Variants in BICRAL observed in about 807,000 individuals in gnomAD.
BICRAL encodes the protein BICRA like chromatin remodeling complex associated protein.
A neutral mutation model predicts 91.8 loss-of-function variants in BICRAL; 8 were observed. That is an observed-to-expected ratio of 0.09 (90% confidence interval 0.05 to 0.16). BICRAL has a LOEUF of 0.16. Ranked by LOEUF, BICRAL falls within the 10% of genes least tolerant of loss-of-function variation. BICRAL has a pLI of 1.00. For synonymous variants in BICRAL, 445 were observed against 491.1 expected, an observed-to-expected ratio of 0.91 and a Z score of 1.24; for missense variants, 1,038 against 1,310.9, an observed-to-expected ratio of 0.79 and a Z score of 3.21.
chr6:42,841,896 A>G (rs1445347351), intron 6 of BICRAL, among the ~76,000 whole-genome samples: 1 of 152,126 alleles, frequency 6.6e-6, no homozygotes, highest in African/African-American at 2.4e-5. Context: ...TCTATACCAC[A>G]CTGCTTCCCA....
chr6:42,806,158 C>T (rs1027170836), intron 1 of BICRAL, among the ~76,000 whole-genome samples: 2 of 152,148 alleles, frequency 1.3e-5, no homozygotes, highest in African/African-American at 4.8e-5. Context: ...CGGGATTCTC[C>T]CCTTAAGTTT....
At chr6:42,853,554 C>T in intron 7 of BICRAL, 84 bp from the exon 8 acceptor site, 4 of 943,008 alleles carry the variant, frequency 4.2e-6, no homozygotes, top group Non-Finnish European at 7.0e-6. Context: ...GCTCAACAGT[C>T]TGTACCCATT....
At chr6:42,752,950 G>A (rs1434284888) in intron 1 of BICRAL, among the ~76,000 whole-genome samples, 3 of 133,738 alleles carry the variant, frequency 2.2e-5, no homozygotes, top group Admixed American at 1.6e-4. Context: ...GGGGGGGTAC[G>A]GAGTTTTGCT....
chr6:42,776,950 C>T (rs375044268), intron 1 of BICRAL, among the ~76,000 whole-genome samples: 1 of 152,156 alleles, frequency 6.6e-6, no homozygotes, highest in East Asian at 1.9e-4. Context: ...TCTTGTAGAT[C>T]TTGTGGACTG....
chr6:42,839,039 A>G (rs966344363), intron 6 of BICRAL, among the ~76,000 whole-genome samples: 1 of 151,872 alleles, frequency 6.6e-6, no homozygotes, highest in Non-Finnish European at 1.5e-5. Context: ...GTCTCTACTA[A>G]AAATACAAAA....
chr6:42,824,550 G>A (rs921836703), intron 5 of BICRAL, among the ~76,000 whole-genome samples: 2 of 152,050 alleles, frequency 1.3e-5, no homozygotes, highest in African/African-American at 4.8e-5. Context: ...CTCCATGTTG[G>A]CCTGGATGAT....
At chr6:42,818,721 T>C (rs1764060775) in intron 2 of BICRAL, among the ~76,000 whole-genome samples, 1 of 152,148 alleles carries the variant, frequency 6.6e-6, no homozygotes, top group Non-Finnish European at 1.5e-5. Context: ...ACCATTTAAC[T>C]CCTAGATCCA....
intron 6 of BICRAL, among the ~76,000 whole-genome samples, chr6:42,833,765 G>A (rs1764565851): frequency 6.6e-6 from 1 of 151,896 alleles, no homozygotes; most frequent in African/African-American, 2.4e-5. Flanking sequence ...TCATTTCATT[G>A]TCAGATTTTA....
intron 12 of BICRAL, among the ~76,000 whole-genome samples, chr6:42,863,569 A>G (rs935808158): frequency 1.3e-5 from 2 of 152,238 alleles, no homozygotes; most frequent in African/African-American, 4.8e-5. Context: ...TCACCCGGAA[A>G]GTATGTAAGA....
intron 10 of BICRAL, among the ~76,000 whole-genome samples, chr6:42,858,742 G>A (rs1263440677): frequency 6.6e-6 from 1 of 151,956 alleles, no homozygotes; most frequent in Non-Finnish European, 1.5e-5. Flanking sequence ...ACTTGAACCC[G>A]GGAGGCAGAG....
At chr6:42,796,642 T>C (rs1463841677) in intron 1 of BICRAL, among the ~76,000 whole-genome samples, 1 of 152,148 alleles carries the variant, frequency 6.6e-6, no homozygotes, top group African/African-American at 2.4e-5. Flanking sequence ...TGGGAGATGA[T>C]GATGGCTTGG....
intron 12 of BICRAL, among the ~76,000 whole-genome samples, chr6:42,863,049 C>CTTTTT (rs34653827): frequency 2.3e-5 from 3 of 130,698 alleles, no homozygotes; most frequent in Non-Finnish European, 3.3e-5. Flanking sequence ...ATGGACATTT[C>CTTTTT]TTTTTTTTTT....
At chr6:42,863,453 G>A in intron 12 of BICRAL, among the ~76,000 whole-genome samples, 1 of 152,180 alleles carries the variant, frequency 6.6e-6, no homozygotes, top group Non-Finnish European at 1.5e-5. Context: ...TATCATTTTG[G>A]ATGAGTGTTG....
intron 6 of BICRAL, among the ~76,000 whole-genome samples, chr6:42,833,875 C>T (rs369154376): frequency 8.6e-5 from 13 of 151,894 alleles, no homozygotes; most frequent in African/African-American, 2.2e-4. Context: ...TATTATGAGA[C>T]GGAGTTTCGC....
intron 10 of BICRAL, among the ~76,000 whole-genome samples, chr6:42,857,614 A>AAAAAAAAAAAAAATATATATAT: frequency 6.2e-5 from 6 of 96,218 alleles, no homozygotes; most frequent in African/African-American, 3.9e-4. Context: ...AAAAAAAAAA[A>AAAAAAAAAAAAAATATATATAT]ATATATATAT....
intron 2 of BICRAL, among the ~76,000 whole-genome samples, chr6:42,819,298 T>TTTTTA (rs1764075535): frequency 6.6e-6 from 1 of 152,196 alleles, no homozygotes; most frequent in African/African-American, 2.4e-5. Flanking sequence ...TTTAATTTTA[T>TTTTTA]TTTTTGAGAC....
intron 1 of BICRAL, among the ~76,000 whole-genome samples, chr6:42,796,368 G>A (rs1763413736): frequency 6.6e-6 from 1 of 152,184 alleles, no homozygotes; most frequent in South Asian, 2.1e-4. Context: ...AAGGGCCTAA[G>A]ATATGAGCAT....
intron 2 of BICRAL, among the ~76,000 whole-genome samples, chr6:42,818,128 A>G (rs1764048275): frequency 6.6e-6 from 1 of 152,168 alleles, no homozygotes; most frequent in Admixed American, 6.6e-5. Context: ...GTCAGTGTAT[A>G]AAAGTTCCTA....
intron 2 of BICRAL, among the ~76,000 whole-genome samples, chr6:42,812,743 T>C (rs1048227527): frequency 6.6e-6 from 1 of 151,926 alleles, no homozygotes; most frequent in African/African-American, 2.4e-5. Flanking sequence ...ATTAAAATAC[T>C]AAAAAAGGCC....
Sources: gnomAD v4.1 joint callset for allele counts (sites outside exome capture counted in the v4.1 genomes callset) on GRCh38, gnomAD v4.1.1 for gene constraint, MANE v1.5 for transcripts, NCBI Gene and HGNC (gene_info 2026-07-23, HGNC 2026-07-21) for gene names.